SLC35A5: variants seen among roughly 807,000 people sequenced by gnomAD.
SLC35A5 encodes the protein UDP-sugar transporter protein SLC35A5.
SLC35A5 carries 28 observed loss-of-function variants against 36.3 expected under a neutral mutation model. The observed-to-expected ratio is 0.77, with a 90% CI of 0.57 to 1.06. The LOEUF is 1.06. Among genes scored for constraint, SLC35A5 ranks in the 50% least tolerant of loss-of-function variants. The pLI, the probability that SLC35A5 is intolerant of heterozygous loss-of-function variation, is 0.00. For synonymous variants in SLC35A5, 180 were observed against 173.7 expected (o/e 1.04, Z -0.29); for missense variants, 521 against 499.3 (o/e 1.04, Z -0.41).
intron 5 of SLC35A5, among the ~76,000 whole-genome samples, chr3:112,576,579 T>C (rs745815509): frequency 3.3e-4 from 50 of 152,292 alleles, no homozygotes; most frequent in Non-Finnish European, 5.9e-4. Context: ...ATAACTACCA[T>C]TTCACTCTCT....
At chr3:112,564,960 A>G (rs1245259993) in intron 2 of SLC35A5, among the ~76,000 whole-genome samples, 6 of 152,166 alleles carry the variant, frequency 3.9e-5, no homozygotes. Flanking sequence ...TCCTATGTCT[A>G]CTTCTTTCTA....
At chr3:112,563,266 G>A (rs534236725) in intron 1 of SLC35A5, 119 bp from the exon 2 acceptor site, 1 of 684,230 alleles carries the variant, frequency 1.5e-6, no homozygotes, top group Non-Finnish European at 2.2e-6. Flanking sequence ...AACTTTCTTG[G>A]TGCTGATATA....
chr3:112,577,083 A>C (rs55742760), intron 5 of SLC35A5, among the ~76,000 whole-genome samples: 2 of 90,964 alleles, frequency 2.2e-5, no homozygotes, highest in South Asian at 9.2e-4. Context: ...TTTAAAAAAA[A>C]TTTTTTAAGA....
intron 2 of SLC35A5, among the ~76,000 whole-genome samples, chr3:112,564,832 T>G (rs554723763): frequency 6.6e-6 from 1 of 152,334 alleles, no homozygotes; most frequent in African/African-American, 2.4e-5. Context: ...CAAGCATTTG[T>G]TTAACAAAGC....
intron 4 of SLC35A5, among the ~76,000 whole-genome samples, chr3:112,571,974 C>T (rs1210861348): frequency 3.1e-5 from 4 of 128,464 alleles, no homozygotes; most frequent in East Asian, 2.3e-4. Flanking sequence ...CTTGCTCTGT[C>T]GCCCAGGCCG....
chr3:112,569,552 A>T (rs1302385697), intron 3 of SLC35A5, among the ~76,000 whole-genome samples: 1 of 152,228 alleles, frequency 6.6e-6, no homozygotes, highest in East Asian at 1.9e-4. Context: ...TCATACAGTA[A>T]GTTAGTTTTT....
At chr3:112,567,557 G>A (rs540854939) in intron 2 of SLC35A5, among the ~76,000 whole-genome samples, 30 of 152,232 alleles carry the variant, frequency 2.0e-4, no homozygotes. Flanking sequence ...CACCTGCCTC[G>A]GCCTCCCAAA....
intron 5 of SLC35A5, among the ~76,000 whole-genome samples, chr3:112,574,566 C>G (rs1406014165): frequency 1.3e-5 from 2 of 152,062 alleles, no homozygotes; most frequent in Non-Finnish European, 2.9e-5. Flanking sequence ...GCCAGAGTGT[C>G]CTAAGGCAGG....
chr3:112,561,588 G>T, upstream of SLC35A5: 2 of 1,533,772 alleles, frequency 1.3e-6, no homozygotes, highest in Non-Finnish European at 1.8e-6. Flanking sequence ...CGTGTCAGGG[G>T]CCAGGGAGTC....
intron 6 of SLC35A5, among the ~76,000 whole-genome samples, chr3:112,582,383 G>A (rs1934966843): frequency 6.6e-6 from 1 of 152,112 alleles, no homozygotes; most frequent in Non-Finnish European, 1.5e-5. Context: ...CAAGGCCTAT[G>A]AAGACCTATT....
At chr3:112,563,933 C>T (rs1934070585) in intron 2 of SLC35A5, among the ~76,000 whole-genome samples, 2 of 152,142 alleles carry the variant, frequency 1.3e-5, no homozygotes, top group African/African-American at 2.4e-5. Flanking sequence ...AAGGTGTCAG[C>T]ATTATATTGT....
chr3:112,569,385 A>C (rs962013289), intron 3 of SLC35A5, 116 bp downstream of exon 3: 19 of 767,224 alleles, frequency 2.5e-5, no homozygotes, highest in Non-Finnish European at 3.7e-5. Flanking sequence ...TGAGGAAGCT[A>C]AGATACAAAC....
intron 4 of SLC35A5, among the ~76,000 whole-genome samples, chr3:112,570,990 C>T (rs1934411279): frequency 6.6e-6 from 1 of 152,142 alleles, no homozygotes; most frequent in Non-Finnish European, 1.5e-5. Flanking sequence ...GGCCACTAAC[C>T]TCTAATTATC....
chr3:112,570,567 C>G lies in SLC35A5; in HGVS notation c.257C>G (p.Ala86Gly), dbSNP rs750529592. Residue 86 changes from alanine to glycine, a missense_variant, in exon 4 of 7, where the codon GCT (alanine) becomes GGT (glycine). Transcript: ENST00000492406. ...KDHQSRNLKY[A>G]SWKEFSDFMK... ...CATCAAAGTAGAAATTTGAAATATG[C>G]TTCCTGGAAGGAATTCTCTGATTTC... is the stretch of plus-strand genomic sequence containing the variant. 10 of 1,608,582 alleles carry G rather than the reference C, an allele frequency of 6.2e-6. No individual in the cohort carries two copies. The highest frequency in any genetic ancestry group is 8.5e-6 in the Non-Finnish European group (10 of 1,178,298).
intron 2 of SLC35A5, among the ~76,000 whole-genome samples, chr3:112,564,938 C>G (rs1191481079): frequency 1.3e-5 from 2 of 152,178 alleles, no homozygotes; most frequent in Non-Finnish European, 2.9e-5. Context: ...GATTGCAGAA[C>G]AAAATGGAGT....
intron 4 of SLC35A5, among the ~76,000 whole-genome samples, chr3:112,572,097 C>A (rs539866277): frequency 2.0e-5 from 3 of 150,084 alleles, no homozygotes; most frequent in Admixed American, 6.6e-5. Context: ...CGCCCGCCAC[C>A]GCGCCCGGCT....
At position 112,584,921 on chromosome 3, in the gene SLC35A5, CTG is replaced by C. The variant is rs1261589284; in HGVS notation, c.*2186_*2187del. The C allele has an allele frequency of 6.6e-6, 1 of 152,154 alleles. No homozygotes were observed. Among genetic ancestry groups the C allele is most frequent in the Admixed American group, 6.6e-5 (1 of 15,262 alleles). 9.4% of individuals were successfully genotyped at this position (152,154 alleles called of 1,614,324 possible). On this transcript the variant is annotated 3_prime_UTR_variant, in exon 7 of 7. Coordinates refer to ENST00000492406, the MANE Select transcript of SLC35A5 (RefSeq NM_017945.5). ...ATGCAGCTGGAAGCCATTATCCTAA[CTG>C]AAATAATTCAGAAACAGAAAATCAA... is the stretch of plus-strand genomic sequence containing the variant.
At chr3:112,568,742 A>G (rs1458636524) in intron 2 of SLC35A5, among the ~76,000 whole-genome samples, 1 of 152,238 alleles carries the variant, frequency 6.6e-6, no homozygotes, top group Non-Finnish European at 1.5e-5. Flanking sequence ...GACAGAGTGT[A>G]CCTCAATTTT....
Position 112,580,900 on chromosome 3 carries a change from T to A in SLC35A5, c.783T>A (p.Thr261=). 1.9e-6 allele frequency: 3 copies of A among 1,614,174 alleles called. No individual in the cohort carries two copies. Among genetic ancestry groups the A allele is most frequent in the Non-Finnish European group, 2.5e-6 (3 of 1,179,980 alleles). ...EKILKEGNQL[T]ESIFIQNSKL... ...TACTGAAGGAAGGGAACCAGCTCAC[T>A]GAAAGCATCTTCATACAGAACAGCA... is the stretch of plus-strand genomic sequence containing the variant. Residue 261 remains threonine (T), a synonymous_variant, in exon 6 of 7, where the codon ACT becomes ACA. Coordinates refer to ENST00000492406, the MANE Select transcript of SLC35A5 (RefSeq NM_017945.5).
Sources: gnomAD v4.1 joint callset for allele counts (sites outside exome capture counted in the v4.1 genomes callset) on GRCh38, gnomAD v4.1.1 for gene constraint, MANE v1.5 for transcripts, NCBI Gene and HGNC (gene_info 2026-07-23, HGNC 2026-07-21) for gene names.